The following LRMDA variants were observed in gnomAD, a reference collection of about 807,000 sequenced individuals.
LRMDA encodes leucine rich melanocyte differentiation associated.
Under a neutral mutation model 29.8 loss-of-function variants are expected in LRMDA, and 18 were observed. The observed-to-expected ratio is 0.60, with a 90% CI of 0.42 to 0.90. The LOEUF (loss-of-function observed/expected upper bound fraction) is 0.90, where lower values mean the gene tolerates loss of function less well. Among genes scored for constraint, LRMDA ranks in the 40% least tolerant of loss-of-function variants. The probability of loss-of-function intolerance (pLI) is 0.00; values close to 1 mark genes in which losing one functional copy is unlikely to be tolerated. For synonymous variants in LRMDA, 125 were observed against 109.4 expected, an observed-to-expected ratio of 1.14 and a Z score of -0.89; for missense variants, 273 against 273.9, an observed-to-expected ratio of 1.00 and a Z score of 0.02.
intron 5 of LRMDA, among the ~76,000 whole-genome samples, chr10:76,187,933 T>G (rs1851178605): frequency 6.6e-6 from 1 of 152,188 alleles, no homozygotes; most frequent in African/African-American, 2.4e-5. Context: ...TTCTCCTAGT[T>G]CCCAGGCACC....
intron 2 of LRMDA, among the ~76,000 whole-genome samples, chr10:75,516,032 A>G (rs1845284829): frequency 6.6e-6 from 1 of 152,088 alleles, no homozygotes; most frequent in East Asian, 1.9e-4. Flanking sequence ...AAAGACATGA[A>G]CTCATCCTTT....
At chr10:75,434,740 C>T (rs1280842310) in intron 1 of LRMDA, among the ~76,000 whole-genome samples, 1 of 152,222 alleles carries the variant, frequency 6.6e-6, no homozygotes, top group Non-Finnish European at 1.5e-5. Context: ...GTGTGCACCA[C>T]TGTGCCCAGC....
At chr10:75,475,429 T>C in intron 2 of LRMDA, among the ~76,000 whole-genome samples, 1 of 152,078 alleles carries the variant, frequency 6.6e-6, no homozygotes, top group East Asian at 1.9e-4. Context: ...TCCTCCCTGC[T>C]CCAATTTTCC....
intron 2 of LRMDA, among the ~76,000 whole-genome samples, chr10:75,522,737 A>T (rs1281862185): frequency 6.6e-6 from 1 of 152,196 alleles, no homozygotes; most frequent in South Asian, 2.1e-4. Context: ...TCATTTACTA[A>T]ACACTACCTG....
At chr10:76,108,067 G>A (rs4411232) in intron 5 of LRMDA, among the ~76,000 whole-genome samples, 84,796 of 152,010 alleles carry the variant, frequency 0.56, 24,285 homozygotes, top group East Asian at 0.76. Context: ...CAGAAATTAG[G>A]GAAGTAAGAA....
intron 2 of LRMDA, among the ~76,000 whole-genome samples, chr10:75,908,205 CG>C (rs902150553): frequency 6.6e-5 from 10 of 152,286 alleles, no homozygotes; most frequent in Admixed American, 5.2e-4. Flanking sequence ...AAAGCTGAGG[CG>C]CAGAGAAGTT....
chr10:76,317,086 G>A (rs1480392674), intron 5 of LRMDA, among the ~76,000 whole-genome samples: 1 of 152,188 alleles, frequency 6.6e-6, no homozygotes, highest in Admixed American at 6.5e-5. Flanking sequence ...ATGAAAACCT[G>A]AGGGCTCCAA....
chr10:76,440,050 A>G (rs1158535345), intron 6 of LRMDA, among the ~76,000 whole-genome samples: 1 of 152,198 alleles, frequency 6.6e-6, no homozygotes, highest in Admixed American at 6.5e-5. Context: ...CTCATGAGCT[A>G]CATTCCTCAA....
At chr10:75,613,405 G>T (rs1022532211) in intron 2 of LRMDA, among the ~76,000 whole-genome samples, 5 of 152,190 alleles carry the variant, frequency 3.3e-5, no homozygotes, top group Admixed American at 6.5e-5. Context: ...GGAGAGGATG[G>T]AGGGGAACAT....
intron 2 of LRMDA, among the ~76,000 whole-genome samples, chr10:75,999,018 A>G (rs1847517964): frequency 6.6e-6 from 1 of 152,180 alleles, no homozygotes; most frequent in South Asian, 2.1e-4. Context: ...ATGCTATTTG[A>G]AAGTCATTAT....
At chr10:75,884,024 T>C (rs1364278291) in intron 2 of LRMDA, among the ~76,000 whole-genome samples, 1 of 152,020 alleles carries the variant, frequency 6.6e-6, no homozygotes, top group Middle Eastern at 3.2e-3. Flanking sequence ...TAAGCTGCTT[T>C]TGAATTTTTA....
In LRMDA at chr10:76,381,893, C is replaced by A. The variant is rs72817460; in HGVS notation, c.601+57408C>A. On this transcript the variant is annotated intron_variant, in intron 6 of 6. Transcript: ENST00000611255. ...CTTGTATCCACCCAGAATACTAGAACAAGGCTAGGCAGGTTGTAATTGTTC... is the reference window on the plus strand; with the variant it reads ...CTTGTATCCACCCAGAATACTAGAAAAAGGCTAGGCAGGTTGTAATTGTTC... Among the ~76,000 whole-genome samples the A allele has an allele frequency of 7.4e-3, 1,124 of 152,222 alleles. 14 individuals carry two copies. The highest frequency in any genetic ancestry group is 7.5e-3 in the Non-Finnish European group (512 of 68,018).
At chr10:75,720,146 C>T (rs1187292834) in intron 2 of LRMDA, among the ~76,000 whole-genome samples, 1 of 152,152 alleles carries the variant, frequency 6.6e-6, no homozygotes, top group African/African-American at 2.4e-5. Flanking sequence ...ATTATTGAGT[C>T]TATGTCTTAC....
At chr10:75,550,927 T>C (rs185915027) in intron 2 of LRMDA, among the ~76,000 whole-genome samples, 1 of 152,246 alleles carries the variant, frequency 6.6e-6, no homozygotes, top group East Asian at 1.9e-4. Context: ...CTTACAATGG[T>C]ACTCTTCCAT....
At chr10:75,734,899 C>T (rs1001494188) in intron 2 of LRMDA, among the ~76,000 whole-genome samples, 3 of 152,338 alleles carry the variant, frequency 2.0e-5, no homozygotes, top group South Asian at 2.1e-4. Flanking sequence ...CCTGGTTGCT[C>T]GATTTAACAC....
chr10:75,585,020 C>T (rs996197405), intron 2 of LRMDA, among the ~76,000 whole-genome samples: 2 of 152,116 alleles, frequency 1.3e-5, no homozygotes, highest in African/African-American at 2.4e-5. Flanking sequence ...TGCACAAATC[C>T]GAAGTGTCCA....
chr10:75,885,719 A>T (rs1845376907), intron 2 of LRMDA, among the ~76,000 whole-genome samples: 1 of 152,204 alleles, frequency 6.6e-6, no homozygotes, highest in African/African-American at 2.4e-5. Flanking sequence ...ATGTTTAGTA[A>T]ATTGGGACTG....
At chr10:75,563,860 C>T (rs1306639966) in intron 2 of LRMDA, among the ~76,000 whole-genome samples, 1 of 151,486 alleles carries the variant, frequency 6.6e-6, no homozygotes. Context: ...TCGTGAACTG[C>T]GAATGCTGCT....
At chr10:76,090,431 G>A (rs560296854) in intron 5 of LRMDA, among the ~76,000 whole-genome samples, 3 of 152,220 alleles carry the variant, frequency 2.0e-5, no homozygotes, top group African/African-American at 4.8e-5. Context: ...GTGTGCTGTT[G>A]GTGGGAATGC....
Sources: allele counts gnomAD v4.1 joint callset (sites outside exome capture counted in the v4.1 genomes callset), GRCh38; gene constraint gnomAD v4.1.1; transcripts MANE v1.5; gene names NCBI Gene and HGNC (gene_info 2026-07-23, HGNC 2026-07-21).